The following KCNT2 variants were observed in gnomAD, a reference collection of about 807,000 sequenced individuals.
The protein encoded by KCNT2 is potassium sodium-activated channel subfamily T member 2.
In KCNT2, 67 loss-of-function variants were observed where a neutral mutation model predicts 153.8. The observed-to-expected ratio is 0.44, with a 90% CI of 0.36 to 0.53. The LOEUF is 0.53. Among genes scored for constraint, KCNT2 ranks in the 20% least tolerant of loss-of-function variants. The pLI is 0.00. For missense variants in KCNT2, 975 were observed against 1,354.8 expected, an observed-to-expected ratio of 0.72 and a Z score of 4.40; for synonymous variants, 500 against 458.8, an observed-to-expected ratio of 1.09 and a Z score of -1.15.
At chr1:196,552,826 C>T (rs962462249) in intron 1 of KCNT2, among the ~76,000 whole-genome samples, 4 of 151,078 alleles carry the variant, frequency 2.6e-5, no homozygotes, top group Non-Finnish European at 4.4e-5. Context: ...TTTGTTTATT[C>T]AATCAGTGTT....
At chr1:196,462,806 A>C (rs1374518915) in intron 8 of KCNT2, among the ~76,000 whole-genome samples, 3 of 151,670 alleles carry the variant, frequency 2.0e-5, no homozygotes, top group Non-Finnish European at 3.0e-5. Flanking sequence ...GACTTTTATC[A>C]CTTAGTACCA....
chr1:196,496,789 A>G (rs1298076884), intron 1 of KCNT2, among the ~76,000 whole-genome samples: 11 of 152,130 alleles, frequency 7.2e-5, no homozygotes, highest in Admixed American at 5.9e-4. Context: ...ACACTCAAAC[A>G]TCAATACTCA....
intron 3 of KCNT2, among the ~76,000 whole-genome samples, chr1:196,486,826 T>C (rs545089303): frequency 7.0e-4 from 107 of 152,006 alleles, no homozygotes; most frequent in African/African-American, 2.4e-3. Context: ...ATACTAGATA[T>C]GATACTAAGC....
intron 3 of KCNT2, among the ~76,000 whole-genome samples, chr1:196,486,365 T>C (rs994065923): frequency 6.6e-6 from 1 of 152,016 alleles, no homozygotes; most frequent in Non-Finnish European, 1.5e-5. Context: ...CATTTAGTTA[T>C]TCTGAATTAG....
intron 25 of KCNT2, among the ~76,000 whole-genome samples, chr1:196,264,068 T>TC (rs1286142923): frequency 6.6e-6 from 1 of 152,190 alleles, no homozygotes; most frequent in South Asian, 2.1e-4. Flanking sequence ...GATTTTTTTT[T>TC]CTTGATCTTT....
chr1:196,362,268 T>G (rs1404713399), intron 14 of KCNT2, among the ~76,000 whole-genome samples: 1 of 152,130 alleles, frequency 6.6e-6, no homozygotes, highest in Admixed American at 6.6e-5. Context: ...CTTCCTGTCT[T>G]CCTGTCATTA....
chr1:196,552,119 C>A (rs1657991156), intron 1 of KCNT2, among the ~76,000 whole-genome samples: 1 of 151,156 alleles, frequency 6.6e-6, no homozygotes, highest in African/African-American at 2.4e-5. Flanking sequence ...AAATTCCAAC[C>A]CCTTTTCTTG....
intron 14 of KCNT2, among the ~76,000 whole-genome samples, chr1:196,367,098 T>C (rs1668106407): frequency 2.0e-5 from 3 of 152,194 alleles, no homozygotes; most frequent in Admixed American, 1.3e-4. Context: ...TTAGGATTTG[T>C]GATTCCTGAA....
rs116565737 is a variant in KCNT2 at position 196,273,759 on chromosome 1, C to T, written c.2910+7101G>A. Among the ~76,000 whole-genome samples, 727 of 151,714 alleles carry T rather than the reference C, an allele frequency of 4.8e-3. 4 individuals are homozygous for T. The highest frequency in any genetic ancestry group is 0.016 in the African/African-American group (666 of 41,446). ...TAGTAGAGTGTTAATGATCGGCAGA[C>T]GGGACAATGGTTATTCCACTATGCA... On this transcript the variant is annotated intron_variant, in intron 25 of 27. Transcript: ENST00000294725.
intron 26 of KCNT2, among the ~76,000 whole-genome samples, chr1:196,242,625 G>C (rs1050131665): frequency 1.3e-4 from 19 of 151,914 alleles, no homozygotes; most frequent in African/African-American, 4.6e-4. Flanking sequence ...CATTATTTTT[G>C]TGTTCGATTA....
intron 8 of KCNT2, among the ~76,000 whole-genome samples, chr1:196,448,360 T>C (rs1254702759): frequency 6.6e-6 from 1 of 151,560 alleles, no homozygotes; most frequent in Non-Finnish European, 1.5e-5. Flanking sequence ...TTATAAAAAA[T>C]ATATTGTATT....
At chr1:196,349,643 TG>T (rs1472830900) in intron 14 of KCNT2, among the ~76,000 whole-genome samples, 1 of 152,024 alleles carries the variant, frequency 6.6e-6, no homozygotes, top group African/African-American at 2.4e-5. Context: ...GTGGAGTAGA[TG>T]GGGTACTAGA....
At chr1:196,586,840 G>A (rs1662750589) in intron 1 of KCNT2, among the ~76,000 whole-genome samples, 1 of 152,002 alleles carries the variant, frequency 6.6e-6, no homozygotes, top group African/African-American at 2.4e-5. Context: ...GATAAAATGT[G>A]TCCACATTGA....
chr1:196,401,132 C>A (rs114655795), intron 12 of KCNT2, among the ~76,000 whole-genome samples: 1,612 of 151,924 alleles, frequency 0.011, 27 homozygotes, highest in African/African-American at 0.037. Flanking sequence ...TAAAAACAAT[C>A]TGAGCTGACA....
intron 22 of KCNT2, among the ~76,000 whole-genome samples, chr1:196,289,704 T>C (rs1026021673): frequency 6.6e-6 from 1 of 152,238 alleles, no homozygotes; most frequent in African/African-American, 2.4e-5. Flanking sequence ...CTATGTCTAG[T>C]TATTGGGTTT....
At chr1:196,430,607 T>C (rs1243765455) in intron 8 of KCNT2, among the ~76,000 whole-genome samples, 2 of 152,056 alleles carry the variant, frequency 1.3e-5, no homozygotes, top group Non-Finnish European at 2.9e-5. Flanking sequence ...CAGGTATTAT[T>C]TTATGGCAGC....
At chr1:196,241,341 C>T (rs1237490863) in intron 26 of KCNT2, among the ~76,000 whole-genome samples, 3 of 151,982 alleles carry the variant, frequency 2.0e-5, no homozygotes, top group Non-Finnish European at 2.9e-5. Context: ...CTTATATACA[C>T]ATTATGTGTT....
intron 25 of KCNT2, chr1:196,273,578 A>T: frequency 1.2e-6 from 1 of 860,204 alleles, no homozygotes; most frequent in Non-Finnish European, 1.8e-6. Flanking sequence ...AGTAACAAGG[A>T]CAAAATGTAA....
rs189560314 is a variant in KCNT2 at position 196,421,967 on chromosome 1, C to T, written c.1185+1083G>A. Reference sequence around the variant, plus strand: ...AAGGACACTGGTCATATTGGATTAGCGCCTACCCTAATGGTCTCATTATAA... The same window carrying T: ...AAGGACACTGGTCATATTGGATTAGTGCCTACCCTAATGGTCTCATTATAA... On this transcript the variant is annotated intron_variant, in intron 12 of 27. Transcript: ENST00000294725. 3.4e-4 allele frequency among the ~76,000 whole-genome samples: 52 copies of T among 152,124 alleles called. 1 individual carries two copies. The highest frequency in any genetic ancestry group is 1.9e-3 in the South Asian group (9 of 4,824).
Sources: gnomAD v4.1 joint callset for allele counts (sites outside exome capture counted in the v4.1 genomes callset) on GRCh38, gnomAD v4.1.1 for gene constraint, MANE v1.5 for transcripts, NCBI Gene and HGNC (gene_info 2026-07-23, HGNC 2026-07-21) for gene names.